The following GABRG3 variants were observed in gnomAD, a reference collection of about 807,000 sequenced individuals.
GABRG3 encodes gamma-aminobutyric acid type A receptor subunit gamma3, also known as gamma-aminobutyric acid receptor subunit gamma-3.
GABRG3 carries 25 observed loss-of-function variants against 48.8 expected under a neutral mutation model. The ratio of observed to expected loss-of-function variants is 0.51; its 90% CI spans 0.37 to 0.72. The LOEUF (loss-of-function observed/expected upper bound fraction) is 0.72. Ranked by LOEUF, GABRG3 falls within the 30% of genes least tolerant of loss-of-function variation. The probability of loss-of-function intolerance (pLI) is 0.00; values close to 1 mark genes in which losing one functional copy is unlikely to be tolerated. For synonymous variants in GABRG3, 227 were observed against 217.6 expected (o/e 1.04, Z -0.38); for missense variants, 394 against 577.9 (o/e 0.68, Z 3.26).
chr15:27,018,901 A>G (rs1259421873), intron 2 of GABRG3, among the ~76,000 whole-genome samples: 1 of 152,106 alleles, frequency 6.6e-6, no homozygotes, highest in Non-Finnish European at 1.5e-5. Context: ...TTGAAAACAA[A>G]TCTTCACTGA....
chr15:27,373,195 A>C (rs934451654), intron 5 of GABRG3, among the ~76,000 whole-genome samples: 7 of 152,232 alleles, frequency 4.6e-5, no homozygotes, highest in Non-Finnish European at 8.8e-5. Context: ...CCTAGGAAAT[A>C]ACGAACTTGA....
chr15:27,126,040 C>A (rs868679067), intron 3 of GABRG3, among the ~76,000 whole-genome samples: 46 of 152,296 alleles, frequency 3.0e-4, no homozygotes, highest in African/African-American at 8.7e-4. Context: ...GATTGCAGAT[C>A]ACAGCGCAAT....
At chr15:27,035,793 C>G (rs1896167202) in intron 3 of GABRG3, among the ~76,000 whole-genome samples, 1 of 152,160 alleles carries the variant, frequency 6.6e-6, no homozygotes, top group Admixed American at 6.5e-5. Flanking sequence ...TTCACAGAAG[C>G]CCCTTGGGCA....
At chr15:27,286,259 T>C (rs1891608281) in intron 3 of GABRG3, among the ~76,000 whole-genome samples, 1 of 152,230 alleles carries the variant, frequency 6.6e-6, no homozygotes, top group South Asian at 2.1e-4. Context: ...CTTTAGGATT[T>C]ACAAAGTTAA....
At chr15:27,502,944 G>A (rs1448012986) in intron 6 of GABRG3, among the ~76,000 whole-genome samples, 1 of 152,140 alleles carries the variant, frequency 6.6e-6, no homozygotes, top group Non-Finnish European at 1.5e-5. Context: ...CACATGTTCG[G>A]CCATCTGGAA....
chr15:27,243,684 T>C (rs1292470047), intron 3 of GABRG3, among the ~76,000 whole-genome samples: 2 of 152,172 alleles, frequency 1.3e-5, no homozygotes, highest in Admixed American at 6.5e-5. Context: ...GTTCTGTCTT[T>C]CTATATGGTT....
At chr15:26,980,755 T>G (rs1036661647) in intron 2 of GABRG3, among the ~76,000 whole-genome samples, 1 of 152,174 alleles carries the variant, frequency 6.6e-6, no homozygotes, top group Non-Finnish European at 1.5e-5. Context: ...GTAAGAACTT[T>G]TCCTTTTTGT....
At chr15:27,410,845 C>CAT (rs146416522) in intron 5 of GABRG3, among the ~76,000 whole-genome samples, 197 of 143,726 alleles carry the variant, frequency 1.4e-3, no homozygotes, top group African/African-American at 4.9e-3. Flanking sequence ...TGCGCACGCT[C>CAT]GTGTGTGTGT....
intron 5 of GABRG3, among the ~76,000 whole-genome samples, chr15:27,388,958 T>C (rs1042139454): frequency 2.6e-5 from 4 of 152,192 alleles, no homozygotes; most frequent in Non-Finnish European, 5.9e-5. Context: ...CACAATCCAA[T>C]ATATTAGCTT....
chr15:27,531,964 C>T (rs921891312), intron 9 of GABRG3, among the ~76,000 whole-genome samples: 1 of 152,138 alleles, frequency 6.6e-6, no homozygotes, highest in African/African-American at 2.4e-5. Flanking sequence ...TGTCCAGCCA[C>T]CTCACACTGA....
At chr15:27,128,337 C>T (rs1421760960) in intron 3 of GABRG3, among the ~76,000 whole-genome samples, 1 of 152,154 alleles carries the variant, frequency 6.6e-6, no homozygotes, top group Non-Finnish European at 1.5e-5. Context: ...ACAGATTCAC[C>T]ACACACGTCT....
intron 5 of GABRG3, among the ~76,000 whole-genome samples, chr15:27,455,789 T>C (rs181080789): frequency 6.6e-6 from 1 of 150,792 alleles, no homozygotes; most frequent in East Asian, 2.0e-4. Context: ...TGCATTTGTA[T>C]ATATGTGCAT....
At position 27,352,914 on chromosome 15, in the gene GABRG3, C is replaced by T. The variant is rs561663549; in HGVS notation, c.574+24026C>T. Among the ~76,000 whole-genome samples the T allele has an allele frequency of 2.8e-4, 42 of 152,218 alleles. No homozygotes were observed. Among genetic ancestry groups the T allele is most frequent in the African/African-American group, 7.9e-4 (33 of 41,522 alleles). On this transcript the variant is annotated intron_variant, in intron 5 of 9. Coordinates refer to ENST00000615808, the MANE Select transcript of GABRG3 (RefSeq NM_033223.5). This position sits in a 1 kb window ranked among gnomAD's most constrained non-coding sequence, Gnocchi z 4.0. ...TTGCATCTGCATTATCTTATCATCA[C>T]GATTGCTGACAATGAGCCATTGAAA...
At chr15:27,014,966 A>G (rs1895751725) in intron 2 of GABRG3, among the ~76,000 whole-genome samples, 1 of 152,120 alleles carries the variant, frequency 6.6e-6, no homozygotes, top group African/African-American at 2.4e-5. Flanking sequence ...GTGTATATAT[A>G]CTTATGGTTG....
At chr15:27,102,835 T>G (rs1897384517) in intron 3 of GABRG3, among the ~76,000 whole-genome samples, 1 of 152,210 alleles carries the variant, frequency 6.6e-6, no homozygotes, top group South Asian at 2.1e-4. Flanking sequence ...TTGTATGTGT[T>G]GATACTTTTT....
chr15:27,131,206 AT>A (rs1258727546), intron 3 of GABRG3, among the ~76,000 whole-genome samples: 4 of 152,046 alleles, frequency 2.6e-5, no homozygotes, highest in Non-Finnish European at 5.9e-5. Context: ...TGCATTCGTT[AT>A]CTTCTGTTCT....
At position 27,448,656 on chromosome 15, in the gene GABRG3, A is replaced by C. The variant is rs79672597; in HGVS notation, c.575-31994A>C. On this transcript the variant is annotated intron_variant, in intron 5 of 9. Coordinates refer to ENST00000615808, the MANE Select transcript of GABRG3 (RefSeq NM_033223.5). ...TTATGCCCTATGTCATAGATTCCACAAGGAAGATATTCAGAAAATGTATGT... is the reference window on the plus strand; with the variant it reads ...TTATGCCCTATGTCATAGATTCCACCAGGAAGATATTCAGAAAATGTATGT... Among the ~76,000 whole-genome samples, 662 of 152,342 alleles carry C rather than the reference A, an allele frequency of 4.3e-3. 8 individuals are homozygous for C. The highest frequency in any genetic ancestry group is 0.016 in the African/African-American group (648 of 41,578).
chr15:27,222,732 C>G (rs1210918855), intron 3 of GABRG3, among the ~76,000 whole-genome samples: 2 of 152,196 alleles, frequency 1.3e-5, no homozygotes, highest in Non-Finnish European at 2.9e-5. Context: ...CTACATGACT[C>G]ATTACAAACC....
intron 5 of GABRG3, among the ~76,000 whole-genome samples, chr15:27,399,647 G>A (rs1277177466): frequency 6.6e-6 from 1 of 152,218 alleles, no homozygotes; most frequent in African/African-American, 2.4e-5. Context: ...GGGGCCCTTA[G>A]TTAGGAAGGA....
Sources: allele counts gnomAD v4.1 joint callset (sites outside exome capture counted in the v4.1 genomes callset), GRCh38; gene constraint gnomAD v4.1.1; non-coding constraint Gnocchi (gnomAD v3.1); transcripts MANE v1.5; gene names NCBI Gene and HGNC (gene_info 2026-07-23, HGNC 2026-07-21).